The following SDK1 variants were observed in gnomAD, a reference collection of about 807,000 sequenced individuals.
The protein encoded by SDK1 is sidekick cell adhesion molecule 1.
In SDK1, 157 loss-of-function variants were observed where a neutral mutation model predicts 245.5. That is an observed-to-expected ratio of 0.64 (90% CI 0.56 to 0.73). The LOEUF (loss-of-function observed/expected upper bound fraction) is 0.73. Among genes scored for constraint, SDK1 ranks in the 30% least tolerant of loss-of-function variants. The pLI is 0.00. For synonymous variants in SDK1, 1,647 were observed against 1,278.5 expected, an observed-to-expected ratio of 1.29 and a Z score of -6.15; for missense variants, 3,583 against 3,002.3, an observed-to-expected ratio of 1.19 and a Z score of -4.52.
intron 24 of SDK1, 49 bp from the exon 25 acceptor site, chr7:4,113,988 G>A (rs769525998): frequency 2.0e-6 from 3 of 1,519,072 alleles, no homozygotes; most frequent in Non-Finnish European, 1.8e-6. Flanking sequence ...ACCCGTGAGG[G>A]TGGCAGTTCT....
intron 1 of SDK1, among the ~76,000 whole-genome samples, chr7:3,360,272 C>CA (rs1270442409): frequency 1.3e-5 from 2 of 152,182 alleles, no homozygotes; most frequent in African/African-American, 4.8e-5. Flanking sequence ...GCTTGATAGA[C>CA]AATCTGTTGA....
rs1483079554 is a variant in SDK1 at position 4,221,463 on chromosome 7, T to TC, written c.5827+105dup. 26 of 1,429,492 alleles carry TC rather than the reference T, an allele frequency of 1.8e-5. No individual in the cohort carries two copies. The Admixed American group carries it at 3.7e-4, about 20-fold the overall frequency. The allele number at this position is 1,429,492 out of a possible 1,614,324, so 88.6% of individuals were successfully genotyped here. ...TCCATCACTTTCTCTTTCAGCATTT[T>TC]CCCCCCACAAAGCTGGGACCAAGAG... On this transcript the variant is annotated intron_variant, in intron 40 of 44. Transcript: ENST00000404826.
intron 13 of SDK1, among the ~76,000 whole-genome samples, chr7:3,982,425 C>A (rs2128137300): frequency 6.6e-6 from 1 of 152,216 alleles, no homozygotes; most frequent in East Asian, 1.9e-4. Flanking sequence ...CCATCAAGTC[C>A]CATTATTTAA....
intron 28 of SDK1, among the ~76,000 whole-genome samples, chr7:4,143,475 C>T (rs532035055): frequency 2.6e-5 from 4 of 152,104 alleles, no homozygotes; most frequent in East Asian, 3.9e-4. Flanking sequence ...CGTGAGGTGT[C>T]CTGCCATATC....
intron 17 of SDK1, among the ~76,000 whole-genome samples, chr7:4,046,169 T>C (rs1789004402): frequency 6.6e-6 from 1 of 151,964 alleles, no homozygotes; most frequent in African/African-American, 2.4e-5. Flanking sequence ...CTCAAAGTCC[T>C]GGCCTCAAGC....
chr7:4,110,686 G>A lies in SDK1; in HGVS notation c.3348G>A (p.Glu1116=). The change falls in exon 23 of 45, where the codon GAG becomes GAA. Residue 1116 remains glutamate, a synonymous_variant. Transcript: ENST00000404826. ...AGGTGGGAGCTATCGGCGACGAGGA[G>A]GAGTGGGTCACCCTCTATGAAGAGG... ...EGQVGAIGDE[E]EWVTLYEEEN... 1 of 1,613,776 alleles carries A rather than the reference G, an allele frequency of 6.2e-7. No individual in the cohort carries two copies. Among genetic ancestry groups the A allele is most frequent in the Non-Finnish European group, 8.5e-7 (1 of 1,179,812 alleles).
At chr7:3,469,040 C>G (rs964676027) in intron 1 of SDK1, among the ~76,000 whole-genome samples, 2 of 152,130 alleles carry the variant, frequency 1.3e-5, no homozygotes, top group African/African-American at 4.8e-5. Context: ...TTTTGCTGAT[C>G]ATGTCATTAT....
intron 13 of SDK1, among the ~76,000 whole-genome samples, chr7:3,978,611 A>C (rs975628731): frequency 6.6e-5 from 10 of 152,218 alleles, no homozygotes; most frequent in African/African-American, 2.2e-4. Context: ...CTTTAGATCC[A>C]ACAGAGCTTG....
chr7:3,443,826 T>A (rs929549696), intron 1 of SDK1, among the ~76,000 whole-genome samples: 1 of 152,230 alleles, frequency 6.6e-6, no homozygotes, highest in East Asian at 1.9e-4. Flanking sequence ...GCTAGTGATA[T>A]CACCATTGGA....
At chr7:3,559,086 C>T (rs1158356417) in intron 1 of SDK1, among the ~76,000 whole-genome samples, 1 of 152,130 alleles carries the variant, frequency 6.6e-6, no homozygotes, top group Non-Finnish European at 1.5e-5. Context: ...CAAGCATGTT[C>T]CCTCTGACTG....
chr7:4,242,010 T>C (rs1249642119), intron 43 of SDK1, 97 bp downstream of exon 43: 3 of 1,451,364 alleles, frequency 2.1e-6, no homozygotes, highest in African/African-American at 2.8e-5. Context: ...CATCCCGCCC[T>C]GTGGTTCCAG....
chr7:3,855,509 A>G (rs1424148077), intron 5 of SDK1, among the ~76,000 whole-genome samples: 1 of 152,062 alleles, frequency 6.6e-6, no homozygotes, highest in Non-Finnish European at 1.5e-5. Context: ...CTTGAGAACA[A>G]GCTTAGAAAT....
At chr7:4,264,419 G>A (rs1395411799) in intron 44 of SDK1, among the ~76,000 whole-genome samples, 2 of 143,432 alleles carry the variant, frequency 1.4e-5, no homozygotes, top group African/African-American at 5.1e-5. Flanking sequence ...GGAAGGCCGC[G>A]TGGACCTCTC....
chr7:3,609,774 C>T (rs1029894189), intron 1 of SDK1, among the ~76,000 whole-genome samples: 3 of 149,984 alleles, frequency 2.0e-5, no homozygotes, highest in Admixed American at 6.7e-5. Context: ...GATCTTGGCT[C>T]ACTGCAACCT....
chr7:3,346,338 G>T (rs1248541886), intron 1 of SDK1, among the ~76,000 whole-genome samples: 1 of 152,044 alleles, frequency 6.6e-6, no homozygotes, highest in Non-Finnish European at 1.5e-5. Context: ...TGGAGCTCCT[G>T]TGAGCCTCCG....
intron 4 of SDK1, among the ~76,000 whole-genome samples, chr7:3,713,060 G>A (rs546388929): frequency 6.6e-6 from 1 of 152,252 alleles, no homozygotes; most frequent in African/African-American, 2.4e-5. Flanking sequence ...GCATGGCAGG[G>A]TGCCAGGAGG....
intron 4 of SDK1, among the ~76,000 whole-genome samples, chr7:3,731,043 C>G (rs1296886351): frequency 2.0e-5 from 3 of 152,164 alleles, no homozygotes; most frequent in Admixed American, 1.3e-4. Flanking sequence ...AACAAAACCC[C>G]TCTCAAATTT....
intron 38 of SDK1, among the ~76,000 whole-genome samples, chr7:4,213,469 C>T (rs1784612530): frequency 2.6e-5 from 4 of 151,878 alleles, no homozygotes; most frequent in African/African-American, 7.3e-5. Flanking sequence ...CCTGTAGTCC[C>T]AGTTACTCGG....
chr7:3,367,474 C>G (rs1436065077), intron 1 of SDK1, among the ~76,000 whole-genome samples: 2 of 152,216 alleles, frequency 1.3e-5, no homozygotes, highest in African/African-American at 4.8e-5. Context: ...TCAGTCAATA[C>G]TAGAAAACCA....
Sources: gnomAD v4.1 joint callset for allele counts (sites outside exome capture counted in the v4.1 genomes callset) on GRCh38, gnomAD v4.1.1 for gene constraint, MANE v1.5 for transcripts, NCBI Gene and HGNC (gene_info 2026-07-23, HGNC 2026-07-21) for gene names.